CRISP3: variants seen among roughly 807,000 people sequenced by gnomAD.
CRISP3 encodes the protein cysteine-rich secretory protein 3.
Under a neutral mutation model 36.1 loss-of-function variants are expected in CRISP3, and 33 were observed. The ratio of observed to expected loss-of-function variants is 0.91; its 90% CI spans 0.69 to 1.22. The LOEUF (loss-of-function observed/expected upper bound fraction) is 1.22, where lower values mean the gene tolerates loss of function less well. CRISP3 is among the 50% of genes most tolerant of loss of function. CRISP3 has a pLI of 0.00. For missense variants in CRISP3, 330 were observed against 301.2 expected (o/e 1.10, Z -0.71); for synonymous variants, 117 against 104.6 (o/e 1.12, Z -0.72).
intron 3 of CRISP3, 88 bp from the exon 4 acceptor site, chr6:49,735,679 A>T: frequency 1.1e-6 from 1 of 887,080 alleles, no homozygotes; most frequent in Non-Finnish European, 1.7e-6. Flanking sequence ...AGGTTGATTT[A>T]CATCATCATA....
At chr6:49,733,915 C>G (rs1291124939) in intron 4 of CRISP3, 67 bp from the exon 5 acceptor site, 1 of 1,368,254 alleles carries the variant, frequency 7.3e-7, no homozygotes, top group Non-Finnish European at 1.0e-6. Flanking sequence ...CACACAAACA[C>G]ACACACACTA....
intron 2 of CRISP3, 114 bp downstream of exon 2, chr6:49,737,211 A>G (rs940402095): frequency 2.7e-6 from 2 of 754,632 alleles, no homozygotes; most frequent in Non-Finnish European, 4.6e-6. Context: ...ACTAATGAGT[A>G]CTTTATGATG....
chr6:49,729,327 T>G (rs912798711), intron 7 of CRISP3, among the ~76,000 whole-genome samples: 1 of 152,166 alleles, frequency 6.6e-6, no homozygotes, highest in African/African-American at 2.4e-5. Flanking sequence ...ATTGAACATC[T>G]TCATCACTGT....
At chr6:49,737,217 T>A (rs767570506) in intron 2 of CRISP3, 108 bp downstream of exon 2, 1 of 802,260 alleles carries the variant, frequency 1.2e-6, no homozygotes, top group Non-Finnish European at 2.1e-6. Context: ...GAGTACTTTA[T>A]GATGTACCAG....
At position 49,728,190 on chromosome 6, in the gene CRISP3, G is replaced by C. The variant is rs895391310; in HGVS notation, c.*540C>G. The C allele has an allele frequency of 6.6e-6, 1 of 152,142 alleles. No homozygotes were observed. The highest frequency in any genetic ancestry group is 1.5e-5 in the Non-Finnish European group (1 of 68,002). 9.4% of individuals were successfully genotyped at this position (152,142 alleles called of 1,614,324 possible). ...AAAATAAAAGTCAGGATTGTTTTAG[G>C]AGGAACAGCTTCAACTCAATTGTGA... On this transcript the variant is annotated 3_prime_UTR_variant, in exon 8 of 8. Transcript: ENST00000263045.
chr6:49,730,878 C>G (rs931690417), intron 7 of CRISP3, among the ~76,000 whole-genome samples: 2 of 152,108 alleles, frequency 1.3e-5, no homozygotes, highest in Non-Finnish European at 2.9e-5. Flanking sequence ...CCTGTCTCTA[C>G]AAAAAGTACA....
At chr6:49,729,163 G>A (rs560910642) in intron 7 of CRISP3, among the ~76,000 whole-genome samples, 25 of 151,946 alleles carry the variant, frequency 1.6e-4, no homozygotes, top group Non-Finnish European at 2.9e-4. Context: ...CATCCAAAAT[G>A]GTAGATATTT....
rs1282594220 is a variant in CRISP3 at position 49,728,551 on chromosome 6, T to A, written c.*179A>T. On this transcript the variant is annotated 3_prime_UTR_variant, in exon 8 of 8. Transcript: ENST00000263045. ...GATTTTGTTTCTTTTTAACCATTTG[T>A]ATGAAAAATATTTTTGTAAAATAAA... 2 of 445,688 alleles carry A rather than the reference T, an allele frequency of 4.5e-6. No homozygotes were observed. Among genetic ancestry groups the A allele is most frequent in the Non-Finnish European group, 7.4e-6 (2 of 271,394 alleles). 27.6% of individuals were successfully genotyped at this position (445,688 alleles called of 1,614,324 possible).
At position 49,735,603 on chromosome 6, in the gene CRISP3, A is replaced by G; in HGVS notation, c.229-12T>C. ...TCTTTGTTCCATTCCTGAAACAAGG[A>G]CAGAAAAAAGATATCCACTTAATGT... On this transcript the variant is annotated splice_polypyrimidine_tract_variant and intron_variant, in intron 3 of 7. Coordinates refer to ENST00000263045, the MANE Select transcript of CRISP3 (RefSeq NM_006061.4). 2 of 1,607,630 alleles carry G rather than the reference A, an allele frequency of 1.2e-6. No individual in the cohort carries two copies. Among genetic ancestry groups the G allele is most frequent in the Non-Finnish European group, 1.7e-6 (2 of 1,175,770 alleles).
rs370677061 is a variant in CRISP3 at position 49,737,275 on chromosome 6, T to A, written c.111+50A>T. 42 of 1,441,658 alleles carry A rather than the reference T, an allele frequency of 2.9e-5. No individual in the cohort carries two copies. In the Middle Eastern group the frequency reaches 1.1e-3, roughly 36 times the overall value. The allele number at this position is 1,441,658 out of a possible 1,614,324, so 89.3% of individuals were successfully genotyped here. A position where few individuals can be genotyped will look rare whatever the true frequency, so the allele number is the denominator to read the frequency against. On this transcript the variant is annotated intron_variant, in intron 2 of 7. Transcript: ENST00000263045. ...TGAAGATTGATCTAGTAGCTTGCCA[T>A]CCCTCATGGTTGCCTGAATTTTTCT...
chr6:49,740,552 T>A (rs956632604), intron 1 of CRISP3, among the ~76,000 whole-genome samples: 47 of 148,752 alleles, frequency 3.2e-4, no homozygotes, highest in African/African-American at 1.1e-3. Flanking sequence ...AAGTCTCTCA[T>A]GACTTCTAGA....
rs1324861238 is a variant in CRISP3, at chr6:49,732,249, T to G, written c.560+946A>C. Among the ~76,000 whole-genome samples, 3 of 152,176 alleles carry G rather than the reference T, an allele frequency of 2.0e-5. No individual in the cohort carries two copies. The East Asian group carries it at 5.8e-4, about 29-fold the overall frequency. On this transcript the variant is annotated intron_variant, in intron 6 of 7. Transcript: ENST00000263045. ...CTAATGACCAGGCATTTGGAGGCAG[T>G]CTCCCAGGGTCTTTCAATTTTCTGT...
chr6:49,743,527 C>A (rs1281754155), intron 1 of CRISP3, among the ~76,000 whole-genome samples: 1 of 152,136 alleles, frequency 6.6e-6, no homozygotes, highest in Non-Finnish European at 1.5e-5. Flanking sequence ...TAGCATTTAG[C>A]CACAGGGAAG....
At chr6:49,729,226 A>G (rs1460775044) in intron 7 of CRISP3, among the ~76,000 whole-genome samples, 1 of 152,122 alleles carries the variant, frequency 6.6e-6, no homozygotes, top group Non-Finnish European at 1.5e-5. Context: ...AAATAAAATC[A>G]AATAAAATTA....
chr6:49,737,139 G>A (rs1769075046), intron 2 of CRISP3, among the ~76,000 whole-genome samples, 186 bp downstream of exon 2: 3 of 152,044 alleles, frequency 2.0e-5, no homozygotes. Context: ...CCCTCATGTG[G>A]CTAGGGGCTA....
intron 7 of CRISP3, among the ~76,000 whole-genome samples, chr6:49,729,342 A>AG (rs1768857367): frequency 6.6e-6 from 1 of 152,100 alleles, no homozygotes; most frequent in Non-Finnish European, 1.5e-5. Flanking sequence ...CACTGTAGAA[A>AG]GTTATATTGG....
At chr6:49,742,625 C>A (rs1309045244) in intron 1 of CRISP3, among the ~76,000 whole-genome samples, 11 of 109,482 alleles carry the variant, frequency 1.0e-4, no homozygotes, top group Non-Finnish European at 1.3e-4. Flanking sequence ...GAGCAAGACT[C>A]CATCTCAAAA....
In CRISP3 at chr6:49,741,749, AGAAAAGAAT is replaced by A. The variant is rs540499927; in HGVS notation, c.37+2573_37+2581del. On this transcript the variant is annotated intron_variant, in intron 1 of 7. Transcript: ENST00000263045. ...TGCATTTCATTTAATATTGGGAACA[AGAAAAGAAT>A]GACTAACACTTTTATTTAACACAGT... 1.1e-3 allele frequency among the ~76,000 whole-genome samples: 158 copies of A among 148,938 alleles called. 1 individual carries two copies. Among genetic ancestry groups the A allele is most frequent in the Middle Eastern group, 4.3e-3 (1 of 234 alleles).
Position 49,743,075 on chromosome 6 carries a change from C to A in CRISP3, c.37+1256G>T, listed in dbSNP as rs1325819194. Reference sequence around the variant, plus strand: ...ATGTATCTGTGATACAGAAAGCAGCCTATGCCAATATGCAAAGTTTGCAAA... The same window carrying A: ...ATGTATCTGTGATACAGAAAGCAGCATATGCCAATATGCAAAGTTTGCAAA... On this transcript the variant is annotated intron_variant, in intron 1 of 7. Coordinates refer to ENST00000263045, the MANE Select transcript of CRISP3 (RefSeq NM_006061.4). 2.0e-5 allele frequency among the ~76,000 whole-genome samples: 3 copies of A among 152,286 alleles called. No homozygotes were observed. In the East Asian group the frequency reaches 5.8e-4, roughly 29 times the overall value.
Sources: gnomAD v4.1 joint callset for allele counts (sites outside exome capture counted in the v4.1 genomes callset) on GRCh38, gnomAD v4.1.1 for gene constraint, MANE v1.5 for transcripts, NCBI Gene and HGNC (gene_info 2026-07-23, HGNC 2026-07-21) for gene names.